TFEC: variants seen among roughly 807,000 people sequenced by gnomAD.
TFEC encodes class E basic helix-loop-helix protein 34.
Under a neutral mutation model 41.6 loss-of-function variants are expected in TFEC, and 31 were observed. The ratio of observed to expected loss-of-function variants is 0.74; its 90% CI spans 0.56 to 1.01. The LOEUF is 1.01. Among genes scored for constraint, TFEC ranks in the 50% least tolerant of loss-of-function variants. The pLI, the probability that TFEC is intolerant of heterozygous loss-of-function variation, is 0.00. For synonymous variants in TFEC, 143 were observed against 140.6 expected, an observed-to-expected ratio of 1.02 and a Z score of -0.12; for missense variants, 402 against 404.1, an observed-to-expected ratio of 0.99 and a Z score of 0.04.
chr7:115,963,001 A>G (rs1022421135), intron 3 of TFEC, among the ~76,000 whole-genome samples: 1 of 142,490 alleles, frequency 7.0e-6, no homozygotes, highest in African/African-American at 2.6e-5. Context: ...TCCCTCCCCC[A>G]GTCCCCCTCT....
intron 3 of TFEC, among the ~76,000 whole-genome samples, chr7:116,089,606 A>AGT (rs1797277743): frequency 2.7e-5 from 4 of 147,026 alleles, no homozygotes; most frequent in African/African-American, 1.1e-4. Flanking sequence ...TAAGAATGTA[A>AGT]GTATATATAT....
chr7:116,092,183 G>A (rs893608010), intron 3 of TFEC, among the ~76,000 whole-genome samples: 4 of 152,120 alleles, frequency 2.6e-5, no homozygotes, highest in African/African-American at 7.2e-5. Context: ...AGTGTCTCCA[G>A]TGAATTCCCC....
intron 1 of TFEC, among the ~76,000 whole-genome samples, chr7:116,028,073 T>G (rs1795653239): frequency 6.6e-6 from 1 of 152,166 alleles, no homozygotes; most frequent in Non-Finnish European, 1.5e-5. Flanking sequence ...CCTGAGGAGA[T>G]TCTACATCTC....
intron 3 of TFEC, among the ~76,000 whole-genome samples, chr7:116,049,893 GA>G (rs2130951162): frequency 6.6e-6 from 1 of 152,262 alleles, no homozygotes; most frequent in Non-Finnish European, 1.5e-5. Flanking sequence ...GGTACACAAC[GA>G]AATGAAGGCA....
At chr7:115,944,573 C>CATAGAATTCAA (rs1270617053) in intron 6 of TFEC, among the ~76,000 whole-genome samples, 44 of 151,740 alleles carry the variant, frequency 2.9e-4, no homozygotes, top group African/African-American at 7.2e-4. Context: ...ATAAAAACTT[C>CATAGAATTCAA]ATAGAATTCA....
At chr7:116,045,253 G>C (rs1005751235) in intron 3 of TFEC, among the ~76,000 whole-genome samples, 3 of 152,218 alleles carry the variant, frequency 2.0e-5, no homozygotes, top group Non-Finnish European at 4.4e-5. Context: ...GGAACTTTTT[G>C]GGAAATGGAG....
chr7:116,011,087 C>G (rs1794983110), intron 1 of TFEC, among the ~76,000 whole-genome samples: 1 of 152,076 alleles, frequency 6.6e-6, no homozygotes, highest in South Asian at 2.1e-4. Context: ...TTTCTTTATT[C>G]CAGTTAGAGT....
intron 3 of TFEC, 49 bp downstream of exon 3, chr7:115,974,121 G>A: frequency 4.2e-6 from 6 of 1,415,372 alleles, no homozygotes; most frequent in African/African-American, 1.5e-5. Context: ...TATTATCAGA[G>A]TGTATTCATT....
intron 3 of TFEC, among the ~76,000 whole-genome samples, chr7:115,967,421 A>G (rs1459815029): frequency 6.6e-6 from 1 of 151,788 alleles, no homozygotes; most frequent in Non-Finnish European, 1.5e-5. Context: ...ACTGTAGGAG[A>G]GCCTAGAGTG....
intron 3 of TFEC, among the ~76,000 whole-genome samples, chr7:116,070,486 T>C (rs1796801883): frequency 6.6e-6 from 1 of 151,474 alleles, no homozygotes; most frequent in Non-Finnish European, 1.5e-5. Context: ...TTAAATGCCT[T>C]AGTATTTTGG....
rs117101756 is a variant in TFEC, at chr7:115,985,819, A to G, written c.-72-1306T>C. Among the ~76,000 whole-genome samples the G allele has an allele frequency of 3.1e-3, 478 of 152,230 alleles. 1 individual carries two copies. Among genetic ancestry groups the G allele is most frequent in the Non-Finnish European group, 4.9e-3 (334 of 67,976 alleles). On this transcript the variant is annotated intron_variant, in intron 1 of 7. Transcript: ENST00000265440. ...AACATTTCATTAAAATGCCAGTGGTAATTTTTTTAGGGTAGCTATTTATAT... is the reference window on the plus strand; with the variant it reads ...AACATTTCATTAAAATGCCAGTGGTGATTTTTTTAGGGTAGCTATTTATAT...
At chr7:116,090,751 C>A (rs192452276) in intron 3 of TFEC, among the ~76,000 whole-genome samples, 1 of 152,040 alleles carries the variant, frequency 6.6e-6, no homozygotes, top group Non-Finnish European at 1.5e-5. Context: ...AGATACTTTG[C>A]ACGTGCTCAA....
At chr7:115,943,980 AAAAG>A (rs1490357286) in intron 6 of TFEC, among the ~76,000 whole-genome samples, 10 of 144,750 alleles carry the variant, frequency 6.9e-5, no homozygotes, top group Non-Finnish European at 1.4e-4. Context: ...AAAGATTTTA[AAAAG>A]AAAGAAAATA....
intron 1 of TFEC, among the ~76,000 whole-genome samples, chr7:116,135,012 T>C (rs1798406974): frequency 6.6e-6 from 1 of 152,138 alleles, no homozygotes; most frequent in Admixed American, 6.5e-5. Flanking sequence ...CATTTTAAAA[T>C]CACATTTTGA....
chr7:116,018,343 A>G (rs535707292), intron 1 of TFEC, among the ~76,000 whole-genome samples: 2 of 152,306 alleles, frequency 1.3e-5, no homozygotes, highest in South Asian at 4.1e-4. Context: ...TCAGAAAGAG[A>G]AATTTTGGGG....
At chr7:116,013,087 A>G (rs935871464) in intron 1 of TFEC, among the ~76,000 whole-genome samples, 1 of 152,096 alleles carries the variant, frequency 6.6e-6, no homozygotes, top group Non-Finnish European at 1.5e-5. Flanking sequence ...ATTTTGATTG[A>G]CAAACTGCAG....
In TFEC at chr7:115,941,152, C is replaced by G. The variant is rs532128830; in HGVS notation, c.664-221G>C. On this transcript the variant is annotated intron_variant, in intron 7 of 7. Coordinates refer to ENST00000265440, the MANE Select transcript of TFEC (RefSeq NM_012252.4). ...TCAGACTTTTTTTTAAGTTTGGTCT[C>G]ATTGTTCTACAAAGGTTATGACTGA... The G allele has an allele frequency of 1.0e-5, 5 of 481,850 alleles. No individual in the cohort carries two copies. The East Asian group carries it at 1.8e-4, about 18-fold the overall frequency. The allele number at this position is 481,850 out of a possible 1,614,324, so 29.8% of individuals were successfully genotyped here. A position where few individuals can be genotyped will look rare whatever the true frequency, so the allele number is the denominator to read the frequency against.
chr7:115,940,667 C>A lies in TFEC; in HGVS notation c.928G>T (p.Asp310Tyr), dbSNP rs1316179364. ...GTTCCAAATGGAGAGATTGTGTCAT[C>A]CAATAGCATGCCATCCAATCTTTGT... The part of the protein sequence containing the change: ...EEQRLDGMLL[D>Y]DTISPFGTDP... Residue 310 changes from aspartate to tyrosine, a missense_variant, in exon 8 of 8, where the codon GAT becomes TAT. Asp to Tyr is a radical substitution (Grantham distance 160, BLOSUM62 -3). Coordinates refer to ENST00000265440, the MANE Select transcript of TFEC (RefSeq NM_012252.4). The A allele has an allele frequency of 2.5e-6, 4 of 1,613,570 alleles. No homozygotes were observed. The highest frequency in any genetic ancestry group is 2.2e-5 in the East Asian group (1 of 44,856).
chr7:116,010,900 T>A (rs969468994), intron 1 of TFEC, among the ~76,000 whole-genome samples: 2 of 152,166 alleles, frequency 1.3e-5, no homozygotes, highest in African/African-American at 4.8e-5. Flanking sequence ...AACCCTTTGA[T>A]ACAGAAAACC....
Sources: gnomAD v4.1 joint callset for allele counts (sites outside exome capture counted in the v4.1 genomes callset) on GRCh38, gnomAD v4.1.1 for gene constraint, MANE v1.5 for transcripts, NCBI Gene and HGNC (gene_info 2026-07-23, HGNC 2026-07-21) for gene names.